The following FAM24B variants were observed in gnomAD, a reference collection of about 807,000 sequenced individuals.
FAM24B encodes the protein family with sequence similarity 24 member B.
A neutral mutation model predicts 2.3 loss-of-function variants in FAM24B; 3 were observed. That is an observed-to-expected ratio of 1.29 (90% confidence interval 0.59 to 3.32). FAM24B has a LOEUF of 3.32. Ranked by LOEUF, FAM24B falls within the 30% of genes most tolerant of loss-of-function variation. FAM24B has a pLI of 0.03. For synonymous variants in FAM24B, 36 were observed against 46.3 expected, an observed-to-expected ratio of 0.78 and a Z score of 0.90; for missense variants, 98 against 117.2, an observed-to-expected ratio of 0.84 and a Z score of 0.76.
intron 2 of FAM24B, among the ~76,000 whole-genome samples, chr10:122,853,902 A>G (rs528344723): frequency 1.3e-3 from 205 of 152,100 alleles, no homozygotes; most frequent in Admixed American, 3.5e-3. Flanking sequence ...GTTTCCCTCT[A>G]TTTCTGTGGT....
chr10:122,851,451 G>C (rs1213405992), intron 2 of FAM24B, among the ~76,000 whole-genome samples: 1 of 152,208 alleles, frequency 6.6e-6, no homozygotes, highest in Non-Finnish European at 1.5e-5. Context: ...TCCAACTTCT[G>C]TGCCAATCAG....
intron 1 of FAM24B, among the ~76,000 whole-genome samples, chr10:122,866,414 TAGGTATAC>T (rs1364437431): frequency 6.6e-6 from 1 of 151,942 alleles, no homozygotes; most frequent in African/African-American, 2.4e-5. Flanking sequence ...CTGCTTGTTT[TAGGTATAC>T]AGGCATACCT....
chr10:122,877,064 GGA>G (rs1847986928), intron 1 of FAM24B, among the ~76,000 whole-genome samples: 1 of 152,008 alleles, frequency 6.6e-6, no homozygotes, highest in Non-Finnish European at 1.5e-5. Flanking sequence ...TGATATTGGT[GGA>G]AAGATTTCAA....
At chr10:122,876,293 A>T (rs1847976195) in intron 1 of FAM24B, among the ~76,000 whole-genome samples, 1 of 152,196 alleles carries the variant, frequency 6.6e-6, no homozygotes. Flanking sequence ...TAACAACGGG[A>T]AGGCTAGAGG....
At chr10:122,856,292 C>T (rs2133828070) in intron 1 of FAM24B, among the ~76,000 whole-genome samples, 1 of 152,342 alleles carries the variant, frequency 6.6e-6, no homozygotes, top group East Asian at 1.9e-4. Flanking sequence ...GACCAGCAGT[C>T]TCACCCAACT....
At chr10:122,850,342 G>C in intron 3 of FAM24B, 82 bp downstream of exon 3, 1 of 1,133,930 alleles carries the variant, frequency 8.8e-7, no homozygotes, top group Non-Finnish European at 1.3e-6. Flanking sequence ...AGGAAGCCCA[G>C]GTATCCCACT....
chr10:122,850,692 G>A (rs1847519357), intron 2 of FAM24B, 142 bp from the exon 3 acceptor site: 1 of 546,356 alleles, frequency 1.8e-6, no homozygotes. Flanking sequence ...GTCTTCCCAG[G>A]GCGGCCTAGG....
chr10:122,875,788 C>T (rs1847967790), intron 1 of FAM24B, among the ~76,000 whole-genome samples: 1 of 151,850 alleles, frequency 6.6e-6, no homozygotes, highest in African/African-American at 2.4e-5. Flanking sequence ...AACGGCTTGC[C>T]GATAAGATCT....
intron 1 of FAM24B, among the ~76,000 whole-genome samples, chr10:122,870,381 T>C (rs1339267612): frequency 6.6e-6 from 1 of 152,186 alleles, no homozygotes; most frequent in Admixed American, 6.5e-5. Flanking sequence ...GTACCATTCC[T>C]TCTGAAACTA....
chr10:122,866,601 A>G (rs541168726), intron 1 of FAM24B, among the ~76,000 whole-genome samples: 1 of 152,064 alleles, frequency 6.6e-6, no homozygotes. Flanking sequence ...AATATTTCAA[A>G]CTTTTGCTTT....
chr10:122,864,887 T>C (rs1293468625), intron 1 of FAM24B, among the ~76,000 whole-genome samples: 1 of 152,260 alleles, frequency 6.6e-6, no homozygotes, highest in Non-Finnish European at 1.5e-5. Context: ...CATGTCATTT[T>C]GTTACTTGCT....
At chr10:122,869,527 C>T (rs1206782139) in intron 1 of FAM24B, among the ~76,000 whole-genome samples, 3 of 152,096 alleles carry the variant, frequency 2.0e-5, no homozygotes, top group Non-Finnish European at 2.9e-5. Context: ...TGACCACATA[C>T]TTGGAAGTAA....
intron 1 of FAM24B, among the ~76,000 whole-genome samples, chr10:122,878,955 CA>C (rs764627745): frequency 3.9e-5 from 6 of 152,066 alleles, no homozygotes; most frequent in Non-Finnish European, 5.9e-5. Context: ...TGACATGTAT[CA>C]AAGTTAACTT....
intron 2 of FAM24B, 88 bp from the exon 3 acceptor site, chr10:122,850,638 G>C: frequency 1.4e-6 from 1 of 729,092 alleles, no homozygotes; most frequent in South Asian, 1.5e-5. Context: ...AGGGGAGGAA[G>C]AAGAAACCCC....
intron 1 of FAM24B, 40 bp from the exon 2 acceptor site, chr10:122,855,826 C>T (rs1366959152): frequency 1.3e-5 from 2 of 152,260 alleles, no homozygotes; most frequent in East Asian, 1.9e-4. Flanking sequence ...TACTCTCTAG[C>T]TCAGGAAAGG....
rs1268646389 is a variant in FAM24B at position 122,879,494 on chromosome 10, G to C, written c.-187C>G. 6.6e-6 allele frequency: 1 copy of C among 152,494 alleles called. No homozygotes were observed. The highest frequency in any genetic ancestry group is 1.5e-5 in the Non-Finnish European group (1 of 68,240). The allele number at this position is 152,494 out of a possible 1,614,324, so 9.4% of individuals were successfully genotyped here. A position where few individuals can be genotyped will look rare whatever the true frequency, so the allele number is the denominator to read the frequency against. On this transcript the variant is annotated 5_prime_UTR_variant, in exon 1 of 4. Transcript: ENST00000368898. ...AAGAGACGACACCTACCTGACCATA[G>C]ACGCTCCCCATCCGCCCAGCAACCG... is the stretch of plus-strand genomic sequence containing the variant.
intron 1 of FAM24B, among the ~76,000 whole-genome samples, chr10:122,873,481 G>C (rs1178761818): frequency 6.6e-6 from 1 of 152,220 alleles, no homozygotes; most frequent in Non-Finnish European, 1.5e-5. Flanking sequence ...TGCTTGGCCA[G>C]GGCCACCCAA....
At chr10:122,876,615 C>A (rs1847980292) in intron 1 of FAM24B, among the ~76,000 whole-genome samples, 1 of 152,172 alleles carries the variant, frequency 6.6e-6, no homozygotes, top group Non-Finnish European at 1.5e-5. Context: ...TTAAGTGTTC[C>A]TACCATTTGC....
At position 122,879,498 on chromosome 10, in the gene FAM24B, C is replaced by T. The variant is rs991012942; in HGVS notation, c.-191G>A. Reference sequence around the variant, plus strand: ...GACGACACCTACCTGACCATAGACGCTCCCCATCCGCCCAGCAACCGTGGT... The same window carrying T: ...GACGACACCTACCTGACCATAGACGTTCCCCATCCGCCCAGCAACCGTGGT... On this transcript the variant is annotated 5_prime_UTR_variant, in exon 1 of 4. Coordinates refer to ENST00000368898, the MANE Select transcript of FAM24B (RefSeq NM_152644.3). The T allele has an allele frequency of 6.6e-6, 1 of 152,528 alleles. No individual in the cohort carries two copies. Among genetic ancestry groups the T allele is most frequent in the Admixed American group, 6.5e-5 (1 of 15,298 alleles). 9.4% of individuals were successfully genotyped at this position (152,528 alleles called of 1,614,324 possible).
Sources: gnomAD v4.1 joint callset for allele counts (sites outside exome capture counted in the v4.1 genomes callset) on GRCh38, gnomAD v4.1.1 for gene constraint, MANE v1.5 for transcripts, NCBI Gene and HGNC (gene_info 2026-07-23, HGNC 2026-07-21) for gene names.